The following AKAP9 variants were observed in gnomAD, a reference collection of about 807,000 sequenced individuals.
AKAP9 encodes A-kinase anchoring protein 9, also known as A-kinase anchor protein 9.
AKAP9 carries 311 observed loss-of-function variants against 488.5 expected under a neutral mutation model. That is an observed-to-expected ratio of 0.64 (90% CI 0.58 to 0.70). The LOEUF (loss-of-function observed/expected upper bound fraction) is 0.70. Ranked by LOEUF, AKAP9 falls within the 30% of genes least tolerant of loss-of-function variation. The pLI, the probability that AKAP9 is intolerant of heterozygous loss-of-function variation, is 0.00. For missense variants in AKAP9, 4,215 were observed against 4,374.5 expected (o/e 0.96, Z 1.03); for synonymous variants, 1,462 against 1,483.5 (o/e 0.99, Z 0.33).
At chr7:92,044,559 G>C (rs1349946970) in intron 20 of AKAP9, among the ~76,000 whole-genome samples, 1 of 152,080 alleles carries the variant, frequency 6.6e-6, no homozygotes, top group Non-Finnish European at 1.5e-5. Flanking sequence ...TTCAAAATAT[G>C]TTTTTATGTT....
At chr7:91,997,908 C>T (rs917083084) in intron 7 of AKAP9, among the ~76,000 whole-genome samples, 1 of 152,048 alleles carries the variant, frequency 6.6e-6, no homozygotes, top group South Asian at 2.1e-4. Flanking sequence ...ATAATTCTAT[C>T]GGCAGCTGAG....
Position 92,089,506 on chromosome 7 carries a change from A to G in AKAP9, c.9335A>G (p.Gln3112Arg), listed in dbSNP as rs999822458. The change falls in exon 38 of 50, where the codon CAA (glutamine) becomes CGA (arginine). Residue 3112 changes from glutamine to arginine, a missense_variant. This residue lies in a region of AKAP9 where 1,476 missense variants were observed against 1,477.4 expected (regional missense o/e 1.00). Transcript: ENST00000356239. The stretch of plus-strand genomic sequence containing the variant: ...AGGAAAATTACTCTGAAAAGAGAAC[A>G]AGAGAGTGAGAAACCAAGCCAAGGT... Reference protein sequence around the residue: ...NGRKITLKREQESEKPSQELL... With the variant: ...NGRKITLKRERESEKPSQELL... 1 of 1,613,550 alleles carries G rather than the reference A, an allele frequency of 6.2e-7. No homozygotes were observed. Among genetic ancestry groups the G allele is most frequent in the Non-Finnish European group, 8.5e-7 (1 of 1,179,674 alleles).
At chr7:92,050,205 C>T (rs561931335) in intron 21 of AKAP9, among the ~76,000 whole-genome samples, 47 of 152,062 alleles carry the variant, frequency 3.1e-4, no homozygotes, top group Non-Finnish European at 6.2e-4. Context: ...GCTGGAACTA[C>T]AGGCACGTGC....
At chr7:92,042,278 A>G in intron 19 of AKAP9, 92 bp downstream of exon 19, 7 of 1,532,334 alleles carry the variant, frequency 4.6e-6, no homozygotes, top group Non-Finnish European at 6.3e-6. Flanking sequence ...GTATTCTTTT[A>G]TAGGTACTGA....
Position 92,097,307 on chromosome 7 carries a change from C to A in AKAP9, c.10348C>A (p.Arg3450=), listed in dbSNP as rs770593631. The change falls in exon 41 of 50, where the codon CGA becomes AGA. Residue 3450 remains arginine (R), a synonymous_variant. Transcript: ENST00000356239. ...GGAATTCCAGAAGCAAGAACTAGAA[C>A]GAGAAGAAAAACGAGAAAGTAGAAG... ...MQEFQKQELE[R]EEKRESRRIL... 37 of 1,613,694 alleles carry A rather than the reference C, an allele frequency of 2.3e-5. No homozygotes were observed. The South Asian group carries it at 3.7e-4, about 16-fold the overall frequency.
intron 14 of AKAP9, among the ~76,000 whole-genome samples, chr7:92,028,015 CAT>C (rs1451274901): frequency 2.6e-5 from 4 of 152,094 alleles, no homozygotes; most frequent in Non-Finnish European, 4.4e-5. Flanking sequence ...CTCTCTGAAA[CAT>C]GTGCTGTGTC....
intron 1 of AKAP9, chr7:91,970,367 A>G (rs1441317235): frequency 1.1e-5 from 4 of 375,034 alleles, no homozygotes; most frequent in Non-Finnish European, 2.1e-5. Flanking sequence ...CTACACCACA[A>G]TTACAGTATT....
At chr7:92,055,599 T>G (rs1808663595) in intron 22 of AKAP9, among the ~76,000 whole-genome samples, 1 of 152,074 alleles carries the variant, frequency 6.6e-6, no homozygotes, top group African/African-American at 2.4e-5. Context: ...CAAATATACA[T>G]TAAAATCTTG....
Position 92,079,196 on chromosome 7 carries a change from G to A in AKAP9, c.7063G>A (p.Val2355Met), listed in dbSNP as rs201039444. ...AGAAGAAATAGAGCAGCTCAATGAA[G>A]TGATTGAAAAACTTCAACAGGAATT... ...REEEIEQLNE[V>M]IEKLQQELAN... Residue 2355 changes from valine (V) to methionine (M), a missense_variant, in exon 31 of 50, where the codon GTG becomes ATG. Transcript: ENST00000356239. 9.3e-6 allele frequency: 15 copies of A among 1,614,030 alleles called. No homozygotes were observed. In the East Asian group the frequency reaches 3.3e-4, roughly 36 times the overall value.
In AKAP9 at chr7:92,012,368, A is replaced by G. The variant is rs149368215; in HGVS notation, c.3319-61A>G. 1,682 of 1,459,636 alleles carry G rather than the reference A, an allele frequency of 1.2e-3. 4 individuals carry two copies. The highest frequency in any genetic ancestry group is 1.6e-3 in the South Asian group (135 of 82,148). The allele number at this position is 1,459,636 out of a possible 1,614,324, so 90.4% of individuals were successfully genotyped here. ...GTAGTCAGTATATGCAAAAAAAAGA[A>G]GTTAAATTATTTGATTTGTCATTTA... On this transcript the variant is annotated intron_variant, in intron 8 of 49. Coordinates refer to ENST00000356239, the MANE Select transcript of AKAP9 (RefSeq NM_005751.5).
intron 22 of AKAP9, among the ~76,000 whole-genome samples, 160 bp from the exon 23 acceptor site, chr7:92,061,100 C>CG: frequency 6.6e-6 from 1 of 152,140 alleles, no homozygotes; most frequent in South Asian, 2.1e-4. Flanking sequence ...CTGATTTCTC[C>CG]TACCTGCTAA....
intron 3 of AKAP9, among the ~76,000 whole-genome samples, chr7:91,982,660 A>G (rs1347540143): frequency 6.6e-6 from 1 of 152,208 alleles, no homozygotes; most frequent in Non-Finnish European, 1.5e-5. Context: ...ATACGTGTGC[A>G]TATGTCTTTA....
At chr7:92,107,540 TA>T (rs1173921884) in intron 48 of AKAP9, 118 bp downstream of exon 48, 32 of 1,028,406 alleles carry the variant, frequency 3.1e-5, no homozygotes, top group Non-Finnish European at 4.4e-5. Context: ...TTGTTATATA[TA>T]ATTTACATAA....
In AKAP9 at chr7:91,993,063, T is replaced by C. The variant is rs774826824; in HGVS notation, c.576+8T>C. The stretch of plus-strand genomic sequence containing the variant: ...ACTGAAGGACTGCAGCAGGTATGTT[T>C]ATTTTCTGTGGCTTTTGATTTGCTA... On this transcript the variant is annotated splice_region_variant and intron_variant, in intron 5 of 49. Transcript: ENST00000356239. 3.7e-6 allele frequency: 6 copies of C among 1,614,050 alleles called. No individual in the cohort carries two copies. In the East Asian group the frequency reaches 8.9e-5, roughly 24 times the overall value.
chr7:92,001,614 G>C lies in AKAP9; in HGVS notation c.1697G>C (p.Ser566Thr). 6.2e-7 allele frequency: 1 copy of C among 1,613,686 alleles called. No individual in the cohort carries two copies. The highest frequency in any genetic ancestry group is 1.1e-5 in the South Asian group (1 of 91,040). ...CTTAATGAAGCACATAAGTCCCTTAGTACAGTGGAAGATTTGAAAGCTGAG... is the reference window on the plus strand; with the variant it reads ...CTTAATGAAGCACATAAGTCCCTTACTACAGTGGAAGATTTGAAAGCTGAG... ...SKLNEAHKSL[S>T]TVEDLKAEIV... is the part of the protein sequence containing the mutation. The change falls in exon 8 of 50, where the codon AGT becomes ACT. Residue 566 changes from serine to threonine, a missense_variant. Ser to Thr is a moderately conservative substitution (Grantham distance 58, BLOSUM62 1). Around this residue, in one of 5 missense-constraint regions of AKAP9, gnomAD observed 2,361 missense variants for 2,430.0 expected, o/e 0.97. Coordinates refer to ENST00000356239, the MANE Select transcript of AKAP9 (RefSeq NM_005751.5).
Position 91,973,607 on chromosome 7 carries a change from T to C in AKAP9, c.49-104T>C. On this transcript the variant is annotated intron_variant, in intron 1 of 49. Transcript: ENST00000356239. ...TCTTTATTTTTTCATTTTTATTTAG[T>C]GATAGTTTGATCTTTAAAAGAGAGA... The C allele has an allele frequency of 2.5e-6, 3 of 1,185,718 alleles. 1 individual carries two copies. The South Asian group carries it at 4.2e-5, about 17-fold the overall frequency. 73.4% of individuals were successfully genotyped at this position (1,185,718 alleles called of 1,614,324 possible). A position where few individuals can be genotyped will look rare whatever the true frequency, so the allele number is the denominator to read the frequency against.
At chr7:92,057,195 AT>A (rs1808933981) in intron 22 of AKAP9, among the ~76,000 whole-genome samples, 1 of 152,102 alleles carries the variant, frequency 6.6e-6, no homozygotes, top group Non-Finnish European at 1.5e-5. Flanking sequence ...TGAAATGTCT[AT>A]AGTTTTAGTG....
At chr7:91,953,818 CA>C (rs56898654) in intron 1 of AKAP9, among the ~76,000 whole-genome samples, 79,144 of 140,866 alleles carry the variant, frequency 0.56, 21,230 homozygotes, top group East Asian at 0.79. Flanking sequence ...CCCCGCCCCC[CA>C]CCACACACAA....
chr7:92,015,362 AG>A (rs1319483915), intron 10 of AKAP9, among the ~76,000 whole-genome samples: 1 of 138,038 alleles, frequency 7.2e-6, no homozygotes, highest in Non-Finnish European at 1.5e-5. Flanking sequence ...CTCATGTGTT[AG>A]GAATTTTTTT....
Sources: allele counts gnomAD v4.1 joint callset (sites outside exome capture counted in the v4.1 genomes callset), GRCh38; gene constraint gnomAD v4.1.1; regional missense constraint gnomAD v4.1.1; transcripts MANE v1.5; gene names NCBI Gene and HGNC (gene_info 2026-07-23, HGNC 2026-07-21).